Variants in ZBTB20 observed in about 807,000 individuals in gnomAD.
ZBTB20 encodes the protein zinc finger and BTB domain containing 20, also known as zinc finger and BTB domain-containing protein 20.
A neutral mutation model predicts 56.9 loss-of-function variants in ZBTB20; 9 were observed. The ratio of observed to expected loss-of-function variants is 0.16; its 90% CI spans 0.10 to 0.28. ZBTB20 has a LOEUF of 0.28. ZBTB20 is among the 10% of genes least tolerant of loss of function. The pLI, the probability that ZBTB20 is intolerant of heterozygous loss-of-function variation, is 1.00. For missense variants in ZBTB20, 655 were observed against 1,003.0 expected, an observed-to-expected ratio of 0.65 and a Z score of 4.69; for synonymous variants, 417 against 420.7, an observed-to-expected ratio of 0.99 and a Z score of 0.11.
chr3:114,858,526 G>C (rs1281467921), intron 4 of ZBTB20, among the ~76,000 whole-genome samples: 1 of 121,934 alleles, frequency 8.2e-6, no homozygotes, highest in Non-Finnish European at 1.8e-5. Context: ...GCGTGTATTC[G>C]TGTGTGTGTG....
rs538334782 is a variant in ZBTB20 at position 114,936,113 on chromosome 3, C to A, written c.-455-35771G>T. ...CACCTTGGAAATAAAGGTGGAAAAA[C>A]AATAGTGGAGGAAACACAATAATGG... On this transcript the variant is annotated intron_variant, in intron 3 of 11. Transcript: ENST00000675478. Among the ~76,000 whole-genome samples the A allele has an allele frequency of 5.3e-5, 8 of 151,700 alleles. No homozygotes were observed. The South Asian group carries it at 1.7e-3, about 32-fold the overall frequency.
intron 2 of ZBTB20, among the ~76,000 whole-genome samples, chr3:114,988,833 G>T (rs1055646586): frequency 6.6e-6 from 1 of 152,094 alleles, no homozygotes; most frequent in African/African-American, 2.4e-5. Flanking sequence ...GTTTTGATTT[G>T]CATTTCTCTG....
intron 4 of ZBTB20, among the ~76,000 whole-genome samples, chr3:114,841,612 T>C (rs140040273): frequency 0.012 from 1,808 of 152,306 alleles, 17 homozygotes; most frequent in South Asian, 0.042. Context: ...GGTGATTGAC[T>C]GCATGTGGAA....
At chr3:114,434,777 A>G (rs2090397871) in intron 7 of ZBTB20, among the ~76,000 whole-genome samples, 1 of 152,140 alleles carries the variant, frequency 6.6e-6, no homozygotes, top group Admixed American at 6.5e-5. Flanking sequence ...TAGAGCATCA[A>G]AAGTGTAGGC....
intron 2 of ZBTB20, among the ~76,000 whole-genome samples, chr3:115,033,527 T>C (rs2080790176): frequency 6.6e-6 from 1 of 151,630 alleles, no homozygotes; most frequent in Non-Finnish European, 1.5e-5. Context: ...GGTATGTATA[T>C]ACCCAAAAGA....
chr3:114,689,817 G>C (rs919632714), intron 6 of ZBTB20, among the ~76,000 whole-genome samples: 36 of 152,106 alleles, frequency 2.4e-4, no homozygotes, highest in African/African-American at 8.7e-4. Flanking sequence ...ATAAGAACAG[G>C]ATGCTGAAAA....
intron 6 of ZBTB20, among the ~76,000 whole-genome samples, chr3:114,613,825 A>G (rs575088804): frequency 1.6e-4 from 24 of 152,294 alleles, no homozygotes; most frequent in African/African-American, 5.3e-4. Flanking sequence ...ATCCTATAGC[A>G]TAAGAGTGAG....
rs191791025 is a variant in ZBTB20, at chr3:114,841,319, G to A, written c.-416-40145C>T. 3.4e-3 allele frequency among the ~76,000 whole-genome samples: 519 copies of A among 152,232 alleles called. 3 individuals are homozygous for A. The highest frequency in any genetic ancestry group is 0.012 in the African/African-American group (494 of 41,544). On this transcript the variant is annotated intron_variant, in intron 4 of 11. Coordinates refer to ENST00000675478, the MANE Select transcript of ZBTB20 (RefSeq NM_001348800.3). ...TAATGAAGAGTATTCAAAACAAAGA[G>A]TAGAACATATGCAAAGACCAGAAAT...
chr3:115,091,000 T>G (rs1473045648), intron 1 of ZBTB20, among the ~76,000 whole-genome samples: 1 of 151,922 alleles, frequency 6.6e-6, no homozygotes, highest in South Asian at 2.1e-4. Flanking sequence ...AAGTAGTCCA[T>G]AGTCCTCTAC....
intron 2 of ZBTB20, among the ~76,000 whole-genome samples, chr3:115,032,957 C>CAAAAAAAAAAA (rs2080756270): frequency 1.8e-5 from 1 of 54,488 alleles, no homozygotes; most frequent in African/African-American, 7.9e-5. Context: ...ACCTAAGGAA[C>CAAAAAAAAAAA]TAAAAAAAAA....
chr3:114,454,300 G>A (rs1237083084), intron 7 of ZBTB20, among the ~76,000 whole-genome samples: 3 of 151,080 alleles, frequency 2.0e-5, no homozygotes, highest in Admixed American at 6.6e-5. Context: ...AGTAACTCCC[G>A]TCTAAATCCA....
chr3:114,825,092 C>A (rs1173380850), intron 4 of ZBTB20, among the ~76,000 whole-genome samples: 1 of 151,882 alleles, frequency 6.6e-6, no homozygotes, highest in East Asian at 1.9e-4. Flanking sequence ...ACCATCTTTA[C>A]TGACAGAAAT....
At chr3:114,490,461 T>C (rs1224651940) in intron 7 of ZBTB20, among the ~76,000 whole-genome samples, 1 of 152,164 alleles carries the variant, frequency 6.6e-6, no homozygotes, top group Non-Finnish European at 1.5e-5. Flanking sequence ...GACCTCGTGA[T>C]CTGCCTGCCT....
At chr3:114,493,730 T>G (rs1201788432) in intron 7 of ZBTB20, among the ~76,000 whole-genome samples, 3 of 152,238 alleles carry the variant, frequency 2.0e-5, no homozygotes, top group Admixed American at 6.5e-5. Context: ...AGTTAAATCT[T>G]CTTCTTTTAT....
intron 1 of ZBTB20, among the ~76,000 whole-genome samples, chr3:115,142,619 T>C (rs2084845552): frequency 1.3e-5 from 2 of 148,398 alleles, no homozygotes; most frequent in South Asian, 2.1e-4. Flanking sequence ...GCCAAGATTG[T>C]GCCACTACAC....
At chr3:115,004,700 G>C (rs1032676667) in intron 2 of ZBTB20, among the ~76,000 whole-genome samples, 1 of 151,560 alleles carries the variant, frequency 6.6e-6, no homozygotes, top group African/African-American at 2.4e-5. Flanking sequence ...CTATATTAAA[G>C]GGCATAATAT....
chr3:114,819,684 C>T (rs1267344405), intron 4 of ZBTB20, among the ~76,000 whole-genome samples: 2 of 151,528 alleles, frequency 1.3e-5, no homozygotes, highest in African/African-American at 4.8e-5. Flanking sequence ...TAAAACAGAA[C>T]CATGATCATA....
intron 6 of ZBTB20, among the ~76,000 whole-genome samples, chr3:114,615,355 G>C (rs1310837425): frequency 6.6e-6 from 1 of 152,056 alleles, no homozygotes; most frequent in African/African-American, 2.4e-5. Flanking sequence ...ATCACTTTTA[G>C]GGGACACTAT....
At chr3:114,687,264 T>C (rs1383309754) in intron 6 of ZBTB20, 2 of 151,792 alleles carry the variant, frequency 1.3e-5, no homozygotes, top group Non-Finnish European at 2.9e-5. Flanking sequence ...CCTTACTCTC[T>C]TTCCTTTCCA....
Sources: gnomAD v4.1 joint callset for allele counts (sites outside exome capture counted in the v4.1 genomes callset) on GRCh38, gnomAD v4.1.1 for gene constraint, MANE v1.5 for transcripts, NCBI Gene and HGNC (gene_info 2026-07-23, HGNC 2026-07-21) for gene names.